ADGRL2: variants seen among roughly 807,000 people sequenced by gnomAD.
The protein encoded by ADGRL2 is adhesion G protein-coupled receptor L2.
ADGRL2 carries 44 observed loss-of-function variants against 157.4 expected under a neutral mutation model. The ratio of observed to expected loss-of-function variants is 0.28; its 90% CI spans 0.22 to 0.36. The LOEUF is 0.36. Ranked by LOEUF, ADGRL2 falls within the 10% of genes least tolerant of loss-of-function variation. The probability of loss-of-function intolerance (pLI) is 1.00; values close to 1 mark genes in which losing one functional copy is unlikely to be tolerated. For synonymous variants in ADGRL2, 585 were observed against 624.7 expected, an observed-to-expected ratio of 0.94 and a Z score of 0.95; for missense variants, 1,510 against 1,768.9, an observed-to-expected ratio of 0.85 and a Z score of 2.63.
intron 1 of ADGRL2, among the ~76,000 whole-genome samples, chr1:81,724,102 A>G (rs1319118817): frequency 6.6e-6 from 1 of 152,124 alleles, no homozygotes; most frequent in Non-Finnish European, 1.5e-5. Context: ...GCATAATTAT[A>G]CAAGCATATT....
At chr1:81,426,517 C>T (rs56833351) in intron 1 of ADGRL2, 77,688 of 411,866 alleles carry the variant, frequency 0.19, 7,852 homozygotes, top group African/African-American at 0.27. Context: ...CCGTCACCGC[C>T]GGGAGCAGAG....
At chr1:81,891,403 A>T (rs1418368137) in intron 2 of ADGRL2, among the ~76,000 whole-genome samples, 3 of 151,992 alleles carry the variant, frequency 2.0e-5, no homozygotes, top group Admixed American at 2.0e-4. Context: ...TGCAAATGGG[A>T]TTTGGTAAAG....
At chr1:81,433,496 G>T (rs2077358536) in intron 1 of ADGRL2, among the ~76,000 whole-genome samples, 1 of 152,132 alleles carries the variant, frequency 6.6e-6, no homozygotes, top group Non-Finnish European at 1.5e-5. Flanking sequence ...GTCAGCAACT[G>T]CCAAGTTTAG....
At chr1:81,539,263 T>A (rs536081784) in intron 2 of ADGRL2, among the ~76,000 whole-genome samples, 1 of 151,770 alleles carries the variant, frequency 6.6e-6, no homozygotes, top group East Asian at 1.9e-4. Context: ...TCCACTAAAT[T>A]CCCTCCTTCA....
At chr1:81,361,820 TG>T (rs2100917071) in intron 1 of ADGRL2, among the ~76,000 whole-genome samples, 1 of 152,044 alleles carries the variant, frequency 6.6e-6, no homozygotes, top group East Asian at 1.9e-4. Context: ...GAGCAATTTT[TG>T]ATATCTGTCC....
At chr1:81,632,974 G>C (rs924827939) in intron 3 of ADGRL2, among the ~76,000 whole-genome samples, 2 of 152,146 alleles carry the variant, frequency 1.3e-5, no homozygotes, top group African/African-American at 4.8e-5. Context: ...AAGTCTATTT[G>C]ACAATGTTTG....
chr1:81,454,079 G>C (rs2077753221), intron 2 of ADGRL2, among the ~76,000 whole-genome samples: 1 of 152,014 alleles, frequency 6.6e-6, no homozygotes, highest in Non-Finnish European at 1.5e-5. Context: ...GAGGATTACT[G>C]ACAGAGAAAG....
intron 1 of ADGRL2, among the ~76,000 whole-genome samples, chr1:81,332,339 T>C (rs1469684779): frequency 6.6e-6 from 1 of 152,178 alleles, no homozygotes; most frequent in East Asian, 1.9e-4. Context: ...TCTCCTATTT[T>C]ATTATTAGTA....
At chr1:81,500,124 G>T (rs189445419) in intron 2 of ADGRL2, among the ~76,000 whole-genome samples, 1 of 152,150 alleles carries the variant, frequency 6.6e-6, no homozygotes, top group African/African-American at 2.4e-5. Flanking sequence ...ACATCTCCTC[G>T]CTAAGATGGC....
intron 1 of ADGRL2, among the ~76,000 whole-genome samples, chr1:81,819,238 T>C (rs2149813405): frequency 6.6e-6 from 1 of 152,132 alleles, no homozygotes; most frequent in African/African-American, 2.4e-5. Flanking sequence ...AGTTTTGTAA[T>C]GGTGGGTTAG....
intron 2 of ADGRL2, among the ~76,000 whole-genome samples, chr1:81,790,296 C>A: frequency 6.6e-6 from 1 of 152,068 alleles, no homozygotes; most frequent in Non-Finnish European, 1.5e-5. Flanking sequence ...AAAACACACA[C>A]TCAACAGGAT....
chr1:81,575,912 C>T (rs879534006), intron 2 of ADGRL2, among the ~76,000 whole-genome samples: 4 of 152,094 alleles, frequency 2.6e-5, no homozygotes, highest in Admixed American at 2.0e-4. Context: ...CATAATAAAA[C>T]CCCATGTACC....
intron 3 of ADGRL2, among the ~76,000 whole-genome samples, chr1:81,914,291 A>G (rs1283543835): frequency 1.3e-5 from 2 of 152,150 alleles, no homozygotes; most frequent in African/African-American, 4.8e-5. Flanking sequence ...ATAGGTTACA[A>G]TAAACTGTAA....
rs1295318796 is a variant in ADGRL2 at position 81,942,786 on chromosome 1, C to T, written c.410-183C>T. On this transcript the variant is annotated intron_variant, in intron 5 of 23. Transcript: ENST00000686636. The stretch of plus-strand genomic sequence containing the variant: ...AAACATAAACTTCAGTTACTTTGTA[C>T]CCTGATACACTGATTATGCTAACTT... The T allele has an allele frequency of 7.6e-6, 5 of 660,734 alleles. No homozygotes were observed. The Admixed American group carries it at 1.1e-4, about 15-fold the overall frequency. 40.9% of individuals were successfully genotyped at this position (660,734 alleles called of 1,614,324 possible). A position where few individuals can be genotyped will look rare whatever the true frequency, so the allele number is the denominator to read the frequency against.
intron 2 of ADGRL2, among the ~76,000 whole-genome samples, chr1:81,893,518 G>A (rs575789863): frequency 6.6e-6 from 1 of 152,192 alleles, no homozygotes; most frequent in Admixed American, 6.5e-5. Context: ...CTTTTTTCCT[G>A]CAACTCCTTG....
At chr1:81,892,066 T>G (rs899321445) in intron 2 of ADGRL2, among the ~76,000 whole-genome samples, 16 of 152,032 alleles carry the variant, frequency 1.1e-4, no homozygotes, top group Admixed American at 1.0e-3. Flanking sequence ...GCTTTTAGGT[T>G]GAGATACATT....
At chr1:81,893,438 A>G (rs559059467) in intron 2 of ADGRL2, among the ~76,000 whole-genome samples, 1 of 152,208 alleles carries the variant, frequency 6.6e-6, no homozygotes, top group Non-Finnish European at 1.5e-5. Flanking sequence ...TTAAAGTACC[A>G]AGGAAGGGGC....
chr1:81,655,177 T>C (rs1486021570), intron 3 of ADGRL2, among the ~76,000 whole-genome samples: 2 of 152,190 alleles, frequency 1.3e-5, no homozygotes, highest in Non-Finnish European at 2.9e-5. Context: ...TGTTTTTCTA[T>C]TTTTAGTAGA....
chr1:81,728,028 T>C (rs1374886299), intron 1 of ADGRL2, among the ~76,000 whole-genome samples: 1 of 152,184 alleles, frequency 6.6e-6, no homozygotes, highest in East Asian at 1.9e-4. Flanking sequence ...ACTATTGGTA[T>C]ATTTCTCATC....
Sources: allele counts gnomAD v4.1 joint callset (sites outside exome capture counted in the v4.1 genomes callset), GRCh38; gene constraint gnomAD v4.1.1; transcripts MANE v1.5; gene names NCBI Gene and HGNC (gene_info 2026-07-23, HGNC 2026-07-21).